GRIP2: variants seen among roughly 807,000 people sequenced by gnomAD.
The protein encoded by GRIP2 is glutamate receptor-interacting protein 2.
Under a neutral mutation model 108.3 loss-of-function variants are expected in GRIP2, and 58 were observed. The observed-to-expected ratio is 0.54, with a 90% CI of 0.43 to 0.67. The LOEUF (loss-of-function observed/expected upper bound fraction) is 0.67. Among genes scored for constraint, GRIP2 ranks in the 30% least tolerant of loss-of-function variants. The pLI is 0.00. For missense variants in GRIP2, 1,278 were observed against 1,430.6 expected, an observed-to-expected ratio of 0.89 and a Z score of 1.72; for synonymous variants, 586 against 598.2, an observed-to-expected ratio of 0.98 and a Z score of 0.30.
the GRIP2 span, among the ~76,000 whole-genome samples, chr3:14,571,527 T>C: frequency 2.0e-5 from 3 of 151,946 alleles, no homozygotes; most frequent in African/African-American, 7.3e-5. Context: ...AGACAAGATC[T>C]CAGCAGTTGG....
chr3:14,563,072 C>G, the GRIP2 span, among the ~76,000 whole-genome samples: 15 of 152,256 alleles, frequency 9.9e-5, no homozygotes, highest in East Asian at 1.3e-3. Flanking sequence ...AGAGACTGAT[C>G]AACCAAATGT....
Position 14,506,955 on chromosome 3 carries a change from G to A in GRIP2, c.2244C>T (p.Gly748=). 1 of 1,606,168 alleles carries A rather than the reference G, an allele frequency of 6.2e-7. No homozygotes were observed. The highest frequency in any genetic ancestry group is 8.5e-7 in the Non-Finnish European group (1 of 1,176,308). Residue 748 remains glycine, a synonymous_variant, in exon 19 of 24, where the codon GGC becomes GGT. Coordinates refer to ENST00000621039, the MANE Select transcript of GRIP2 (RefSeq NM_001080423.4). The part of the protein sequence containing the change: ...LDRPLLPRKS[G]SLSETSDADE... The stretch of plus-strand genomic sequence containing the variant: ...CAGCATCACTGGTCTCACTGAGGCT[G>A]CCCGACTTGCGGGGTAGGAGGGGAC...
chr3:14,515,168 T>C (rs1277146247), intron 11 of GRIP2, among the ~76,000 whole-genome samples: 1 of 152,258 alleles, frequency 6.6e-6, no homozygotes, highest in Non-Finnish European at 1.5e-5. Flanking sequence ...GGTGTCAGAA[T>C]TGCATTCCTT....
chr3:14,565,138 C>T, the GRIP2 span, among the ~76,000 whole-genome samples: 313 of 152,296 alleles, frequency 2.1e-3, 3 homozygotes, highest in East Asian at 0.013. Context: ...ATCAGGCTCC[C>T]GCTCTTCCCT....
At chr3:14,558,762 G>A (rs553136584), upstream of GRIP2, among the ~76,000 whole-genome samples, 5 of 152,234 alleles carry the variant, frequency 3.3e-5, no homozygotes, top group South Asian at 1.0e-3. Flanking sequence ...CCACCCCAGA[G>A]ACCCCACAGG....
intron 1 of GRIP2, among the ~76,000 whole-genome samples, chr3:14,528,251 T>C (rs1192803647): frequency 2.0e-5 from 3 of 152,238 alleles, no homozygotes; most frequent in Non-Finnish European, 4.4e-5. Context: ...TTGCATCTTT[T>C]TATGGATGAC....
rs117137073 is a variant in GRIP2, at chr3:14,500,233, G to T, written c.2679+3333C>A. Among the ~76,000 whole-genome samples, 246 of 152,260 alleles carry T rather than the reference G, an allele frequency of 1.6e-3. 4 individuals carry two copies. In the East Asian group the frequency reaches 0.042, roughly 26 times the overall value. ...CTAGTACACAGTGCAGAGAAAATAT[G>T]AAGGAAAAGTTAAGAGACATGGAGG... On this transcript the variant is annotated intron_variant, in intron 21 of 23. Transcript: ENST00000621039.
chr3:14,501,920 A>C (rs372723529), intron 21 of GRIP2, among the ~76,000 whole-genome samples: 12 of 152,290 alleles, frequency 7.9e-5, no homozygotes. Context: ...GAGATTGTGG[A>C]GAGAGTGAGC....
Position 14,523,206 on chromosome 3 carries a change from C to A in GRIP2, c.491-131G>T, listed in dbSNP as rs1212707473. 4 of 685,874 alleles carry A rather than the reference C, an allele frequency of 5.8e-6. No individual in the cohort carries two copies. The South Asian group carries it at 7.6e-5, about 13-fold the overall frequency. 42.5% of individuals were successfully genotyped at this position (685,874 alleles called of 1,614,324 possible). ...ACCTTGTCCTTGCTATCCATGGACC[C>A]TCTTATGAGACACCAACAATAAATT... On this transcript the variant is annotated intron_variant, in intron 5 of 23. Transcript: ENST00000621039.
In GRIP2 at chr3:14,505,493, C is replaced by G. The variant is rs771229930; in HGVS notation, c.2573+122G>C. 43 of 1,089,522 alleles carry G rather than the reference C, an allele frequency of 3.9e-5. No homozygotes were observed. Among genetic ancestry groups the G allele is most frequent in the Non-Finnish European group, 7.9e-6 (6 of 755,822 alleles). 67.5% of individuals were successfully genotyped at this position (1,089,522 alleles called of 1,614,324 possible). ...TGCTCAGTGCTTCTCTCCCAGGAGG[C>G]ACCCCTCCTCAGGAGCCCGCCAAGA... On this transcript the variant is annotated intron_variant, in intron 20 of 23. Transcript: ENST00000621039. The surrounding 1 kb of genome is among the most constrained non-coding windows in gnomAD (Gnocchi z 4.2).
intron 17 of GRIP2, among the ~76,000 whole-genome samples, chr3:14,508,739 G>T (rs1036466594): frequency 2.0e-5 from 3 of 152,108 alleles, no homozygotes; most frequent in Non-Finnish European, 4.4e-5. Flanking sequence ...CACCAGATAC[G>T]GAAGGTGTAA....
At chr3:14,571,229 C>A in the GRIP2 span, among the ~76,000 whole-genome samples, 9 of 152,042 alleles carry the variant, frequency 5.9e-5, no homozygotes, top group Non-Finnish European at 1.2e-4. Flanking sequence ...TGTGCCTGGG[C>A]ATGTGTGTGC....
chr3:14,590,150 G>A, the GRIP2 span, among the ~76,000 whole-genome samples: 8,720 of 152,250 alleles, frequency 0.057, 356 homozygotes, highest in Non-Finnish European at 0.082. Context: ...GCTTTTATGA[G>A]TGTTTTCCTA....
chr3:14,495,352 G>A (rs1693563400), intron 22 of GRIP2, among the ~76,000 whole-genome samples: 1 of 152,156 alleles, frequency 6.6e-6, no homozygotes, highest in Admixed American at 6.5e-5. Flanking sequence ...GAGCTTCTGA[G>A]GGCCATTGGC....
chr3:14,559,197 G>A (rs1695281527), upstream of GRIP2, among the ~76,000 whole-genome samples: 1 of 152,166 alleles, frequency 6.6e-6, no homozygotes, highest in African/African-American at 2.4e-5. Context: ...CCTGTATGCT[G>A]TGAGAGTGAA....
chr3:14,574,169 G>C, the GRIP2 span: 2 of 902,102 alleles, frequency 2.2e-6, no homozygotes, highest in Non-Finnish European at 3.8e-6. Flanking sequence ...GAATGGTGAC[G>C]AGCAAGTGCA....
chr3:14,543,986 A>G (rs1695019973), upstream of GRIP2, among the ~76,000 whole-genome samples: 1 of 152,218 alleles, frequency 6.6e-6, no homozygotes, highest in Admixed American at 6.5e-5. Flanking sequence ...AACAGAAAGC[A>G]TTCATCCACC....
At chr3:14,579,516 G>T in the GRIP2 span, among the ~76,000 whole-genome samples, 7 of 152,194 alleles carry the variant, frequency 4.6e-5, no homozygotes, top group Admixed American at 3.3e-4. Flanking sequence ...TGTCAGGCGG[G>T]AAAGCCCTTC....
intron 21 of GRIP2, among the ~76,000 whole-genome samples, chr3:14,498,781 C>T (rs545071594): frequency 6.6e-6 from 1 of 152,238 alleles, no homozygotes; most frequent in East Asian, 1.9e-4. Context: ...CCTTCAAACA[C>T]GTAGAGATGA....
Sources: gnomAD v4.1 joint callset for allele counts (sites outside exome capture counted in the v4.1 genomes callset) on GRCh38, gnomAD v4.1.1 for gene constraint, Gnocchi (gnomAD v3.1) non-coding constraint, MANE v1.5 for transcripts, NCBI Gene and HGNC (gene_info 2026-07-23, HGNC 2026-07-21) for gene names.